CLSTN2: variants seen among roughly 807,000 people sequenced by gnomAD.
CLSTN2 encodes calsyntenin-2.
CLSTN2 carries 48 observed loss-of-function variants against 101.2 expected under a neutral mutation model. The observed-to-expected ratio is 0.47, with a 90% CI of 0.38 to 0.60. The LOEUF is 0.60. Ranked by LOEUF, CLSTN2 falls within the 20% of genes least tolerant of loss-of-function variation. The pLI is 0.00. For synonymous variants in CLSTN2, 481 were observed against 463.6 expected, an observed-to-expected ratio of 1.04 and a Z score of -0.48; for missense variants, 1,160 against 1,238.2, an observed-to-expected ratio of 0.94 and a Z score of 0.95.
intron 1 of CLSTN2, among the ~76,000 whole-genome samples, chr3:139,983,711 T>C (rs1560061541): frequency 6.6e-6 from 1 of 152,204 alleles, no homozygotes. Context: ...TTAAACTATG[T>C]AATAATTTAC....
chr3:140,240,217 CACACATATAT>C lies in CLSTN2; in HGVS notation c.232+64146_232+64155del, dbSNP rs1346084106. On this transcript the variant is annotated intron_variant, in intron 2 of 16. Transcript: ENST00000458420. The stretch of plus-strand genomic sequence containing the variant: ...ATATATATACACACACACACACACA[CACACATATAT>C]ATATATGCATATATACACATATATA... Among the ~76,000 whole-genome samples the C allele has an allele frequency of 4.4e-3, 130 of 29,822 alleles. 4 individuals carry two copies. Among genetic ancestry groups the C allele is most frequent in the African/African-American group, 0.014 (122 of 8,846 alleles). The allele number at this position is 29,822 out of a possible 152,430, so 19.6% of individuals were successfully genotyped here. A position where few individuals can be genotyped will look rare whatever the true frequency, so the allele number is the denominator to read the frequency against.
In CLSTN2 at chr3:140,558,756, C is replaced by T; in HGVS notation, c.1940C>T (p.Ala647Val). 1 of 1,614,136 alleles carries T rather than the reference C, an allele frequency of 6.2e-7. No individual in the cohort carries two copies. The highest frequency in any genetic ancestry group is 8.5e-7 in the Non-Finnish European group (1 of 1,180,012). The part of the protein sequence containing the change: ...LRGTDHFWRP[A>V]AQFESARGVT... ...GGCACAGACCACTTCTGGAGACCTG[C>T]TGCCCAGTTTGAAAGTGCCAGGGGA... The change falls in exon 12 of 17, where the codon GCT (alanine) becomes GTT (valine). Residue 647 changes from alanine (A) to valine (V), a missense_variant. By Grantham distance (64) the Ala-to-Val change is moderately conservative. Coordinates refer to ENST00000458420, the MANE Select transcript of CLSTN2 (RefSeq NM_022131.3).
At chr3:140,214,416 T>G (rs1340364206) in intron 2 of CLSTN2, among the ~76,000 whole-genome samples, 1 of 151,236 alleles carries the variant, frequency 6.6e-6, no homozygotes, top group Non-Finnish European at 1.5e-5. Flanking sequence ...ATCATGCCAT[T>G]GCACTCCAGC....
intron 1 of CLSTN2, among the ~76,000 whole-genome samples, chr3:139,985,708 A>G (rs1329163803): frequency 5.9e-5 from 9 of 152,166 alleles, no homozygotes; most frequent in African/African-American, 1.2e-4. Context: ...AACGAAAGCA[A>G]TTGAATCTTG....
At chr3:140,001,591 C>T (rs2006841836) in intron 1 of CLSTN2, among the ~76,000 whole-genome samples, 5 of 152,048 alleles carry the variant, frequency 3.3e-5, no homozygotes, top group Admixed American at 3.3e-4. Flanking sequence ...TATCTATCCC[C>T]TCAGCCATTT....
At chr3:140,155,070 C>T (rs913885453) in intron 1 of CLSTN2, among the ~76,000 whole-genome samples, 2 of 152,128 alleles carry the variant, frequency 1.3e-5, no homozygotes, top group African/African-American at 4.8e-5. Context: ...CAGAGCCAAA[C>T]CATATCCACA....
In CLSTN2 at chr3:140,315,250, T is replaced by C. The variant is rs533970113; in HGVS notation, c.233-88379T>C. On this transcript the variant is annotated intron_variant, in intron 2 of 16. Coordinates refer to ENST00000458420, the MANE Select transcript of CLSTN2 (RefSeq NM_022131.3). ...ATAAATGAAAATGTGTGTAAAATGA[T>C]GGGAAACCCTTGAAACAGACCCTTC... is the stretch of plus-strand genomic sequence containing the variant. 2.8e-4 allele frequency among the ~76,000 whole-genome samples: 42 copies of C among 152,272 alleles called. No homozygotes were observed. The South Asian group carries it at 8.7e-3, about 32-fold the overall frequency.
intron 8 of CLSTN2, among the ~76,000 whole-genome samples, chr3:140,481,489 T>A (rs1212804252): frequency 2.6e-5 from 4 of 152,200 alleles, no homozygotes; most frequent in Admixed American, 2.6e-4. Context: ...GTGAAGAAAG[T>A]CATTGGTAGC....
At chr3:140,246,452 T>C (rs1424249435) in intron 2 of CLSTN2, among the ~76,000 whole-genome samples, 1 of 152,112 alleles carries the variant, frequency 6.6e-6, no homozygotes, top group Non-Finnish European at 1.5e-5. Flanking sequence ...GAATCGGACA[T>C]ATGTGAATCA....
intron 1 of CLSTN2, among the ~76,000 whole-genome samples, chr3:140,127,328 G>A (rs1283517693): frequency 1.3e-5 from 2 of 152,146 alleles, no homozygotes; most frequent in Non-Finnish European, 2.9e-5. Context: ...CATGACAATG[G>A]TAGAATTGTC....
intron 2 of CLSTN2, among the ~76,000 whole-genome samples, chr3:140,226,017 G>T (rs1027716785): frequency 6.6e-6 from 1 of 152,094 alleles, no homozygotes; most frequent in African/African-American, 2.4e-5. Context: ...CTTTCCTAGG[G>T]TGTGAAAATG....
chr3:140,126,655 T>C (rs9846011), intron 1 of CLSTN2, among the ~76,000 whole-genome samples: 111,644 of 151,696 alleles, frequency 0.74, 41,200 homozygotes, highest in Admixed American at 0.82. Flanking sequence ...GTATGGTCTC[T>C]ATCACTTGCT....
intron 1 of CLSTN2, among the ~76,000 whole-genome samples, chr3:139,962,934 G>T (rs565341774): frequency 2.4e-4 from 37 of 152,194 alleles, no homozygotes; most frequent in Admixed American, 4.6e-4. Flanking sequence ...TGAGTTGTAT[G>T]GTACCTGTAT....
At chr3:140,258,593 C>G (rs1188006489) in intron 2 of CLSTN2, among the ~76,000 whole-genome samples, 2 of 152,156 alleles carry the variant, frequency 1.3e-5, no homozygotes, top group Non-Finnish European at 2.9e-5. Flanking sequence ...TGTATTTGCT[C>G]AAAGCTGAAG....
At chr3:140,278,656 T>A (rs1388075986) in intron 2 of CLSTN2, among the ~76,000 whole-genome samples, 3 of 152,220 alleles carry the variant, frequency 2.0e-5, no homozygotes, top group Non-Finnish European at 4.4e-5. Flanking sequence ...TTGACTGGAA[T>A]AAACTAAAGC....
intron 1 of CLSTN2, among the ~76,000 whole-genome samples, chr3:140,004,543 G>C (rs1576394044): frequency 6.6e-6 from 1 of 152,228 alleles, no homozygotes; most frequent in Non-Finnish European, 1.5e-5. Flanking sequence ...TCTTTAGAGA[G>C]CCTCTCTGAT....
At chr3:140,326,574 T>C (rs183631651) in intron 2 of CLSTN2, among the ~76,000 whole-genome samples, 1 of 152,352 alleles carries the variant, frequency 6.6e-6, no homozygotes, top group African/African-American at 2.4e-5. Context: ...ACACATGGCG[T>C]ATTTAATATT....
At chr3:140,382,408 C>A (rs2087995282) in intron 2 of CLSTN2, among the ~76,000 whole-genome samples, 1 of 152,194 alleles carries the variant, frequency 6.6e-6, no homozygotes, top group South Asian at 2.1e-4. Flanking sequence ...GGCCATTATG[C>A]TGAAGAAGGC....
At chr3:140,065,049 C>T (rs994949011) in intron 1 of CLSTN2, among the ~76,000 whole-genome samples, 1 of 152,138 alleles carries the variant, frequency 6.6e-6, no homozygotes, top group African/African-American at 2.4e-5. Context: ...GTTAACTTGG[C>T]TAACAACCAT....
Sources: gnomAD v4.1 joint callset for allele counts (sites outside exome capture counted in the v4.1 genomes callset) on GRCh38, gnomAD v4.1.1 for gene constraint, MANE v1.5 for transcripts, NCBI Gene and HGNC (gene_info 2026-07-23, HGNC 2026-07-21) for gene names.